EYA2: variants seen among roughly 807,000 people sequenced by gnomAD.
EYA2 encodes the protein protein phosphatase EYA2.
Under a neutral mutation model 69.2 loss-of-function variants are expected in EYA2, and 31 were observed. The ratio of observed to expected loss-of-function variants is 0.45; its 90% CI spans 0.34 to 0.60. The LOEUF is 0.60. Among genes scored for constraint, EYA2 ranks in the 20% least tolerant of loss-of-function variants. The pLI, the probability that EYA2 is intolerant of heterozygous loss-of-function variation, is 0.02. For synonymous variants in EYA2, 257 were observed against 279.4 expected (o/e 0.92, Z 0.80); for missense variants, 622 against 701.2 (o/e 0.89, Z 1.28).
At chr20:47,043,478 G>A (rs1334584272) in intron 5 of EYA2, among the ~76,000 whole-genome samples, 1 of 152,184 alleles carries the variant, frequency 6.6e-6, no homozygotes, top group Non-Finnish European at 1.5e-5. Context: ...GTGGTCATGG[G>A]TGCAGGCCGC....
chr20:47,179,042 A>G (rs933657762), intron 12 of EYA2, among the ~76,000 whole-genome samples: 2 of 152,110 alleles, frequency 1.3e-5, no homozygotes, highest in Non-Finnish European at 2.9e-5. Flanking sequence ...CCCTGCACAT[A>G]AGCACTCAAA....
chr20:47,017,930 T>G (rs1281922561), intron 5 of EYA2, among the ~76,000 whole-genome samples: 1 of 152,218 alleles, frequency 6.6e-6, no homozygotes, highest in East Asian at 1.9e-4. Context: ...CCAGCCTCAC[T>G]GCAAAGCCCA....
chr20:47,184,894 G>A lies in EYA2; in HGVS notation c.1536+1503G>A, dbSNP rs541865244. On this transcript the variant is annotated intron_variant, in intron 15 of 15. Coordinates refer to ENST00000327619, the MANE Select transcript of EYA2 (RefSeq NM_005244.5). ...TCACCCCTGAGCTAGTCAGGCAAGA[G>A]TAGAGTCAGCCAAAGAAGACTAGGT... 2.4e-3 allele frequency among the ~76,000 whole-genome samples: 364 copies of A among 152,270 alleles called. 2 individuals carry two copies. Among genetic ancestry groups the A allele is most frequent in the Non-Finnish European group, 4.2e-3 (283 of 68,016 alleles).
At position 46,934,664 on chromosome 20, in the gene EYA2, C is replaced by T. The variant is rs183371036; in HGVS notation, c.-11+39677C>T. Among the ~76,000 whole-genome samples, 6 of 152,228 alleles carry T rather than the reference C, an allele frequency of 3.9e-5. No homozygotes were observed. In the East Asian group the frequency reaches 1.2e-3, roughly 29 times the overall value. On this transcript the variant is annotated intron_variant, in intron 1 of 15. Coordinates refer to ENST00000327619, the MANE Select transcript of EYA2 (RefSeq NM_005244.5). ...ACAGACAACAGATGTCCACTAGATC[C>T]ACCTAGAAGACCGTTCATTCAAACT...
intron 1 of EYA2, among the ~76,000 whole-genome samples, chr20:46,971,653 C>T (rs1165087615): frequency 6.6e-6 from 1 of 152,214 alleles, no homozygotes; most frequent in Non-Finnish European, 1.5e-5. Flanking sequence ...TGTACTCAAA[C>T]TGTGAATGAT....
chr20:47,027,000 T>A (rs1363665975), intron 5 of EYA2, among the ~76,000 whole-genome samples: 2 of 32,292 alleles, frequency 6.2e-5, no homozygotes, highest in Admixed American at 4.2e-4. Context: ...CTTGCAGTCT[T>A]GCTCCATATT....
chr20:46,921,174 C>T (rs1479261433), intron 1 of EYA2, among the ~76,000 whole-genome samples: 3 of 152,226 alleles, frequency 2.0e-5, no homozygotes, highest in Non-Finnish European at 2.9e-5. Context: ...TGACACAGGG[C>T]TGTGGAGACT....
At chr20:47,065,132 C>T (rs1276074999) in intron 5 of EYA2, among the ~76,000 whole-genome samples, 1 of 152,116 alleles carries the variant, frequency 6.6e-6, no homozygotes, top group East Asian at 1.9e-4. Flanking sequence ...AAAGATCTGC[C>T]CCCATGATTC....
chr20:47,139,235 A>T (rs2033542438), intron 9 of EYA2, among the ~76,000 whole-genome samples: 1 of 152,210 alleles, frequency 6.6e-6, no homozygotes, highest in South Asian at 2.1e-4. Flanking sequence ...TGAAAAGTGG[A>T]ATTACTGAGT....
chr20:46,904,945 G>A (rs1984282588), intron 1 of EYA2, among the ~76,000 whole-genome samples: 2 of 152,168 alleles, frequency 1.3e-5, no homozygotes, highest in Admixed American at 1.3e-4. Flanking sequence ...GCATAAAGTG[G>A]TGGTGGGAGT....
rs183302549 is a variant in EYA2, at chr20:47,165,217, G to A, written c.979-3922G>A. On this transcript the variant is annotated intron_variant, in intron 10 of 15. Transcript: ENST00000327619. The stretch of plus-strand genomic sequence containing the variant: ...TTCTTTCAATGTGGAGGGTATCATC[G>A]TGCTTGACTACTGCAAAAAAGATCA... Among the ~76,000 whole-genome samples the A allele has an allele frequency of 2.0e-3, 299 of 152,270 alleles. 1 individual carries two copies. Among genetic ancestry groups the A allele is most frequent in the African/African-American group, 6.9e-3 (286 of 41,536 alleles).
intron 9 of EYA2, among the ~76,000 whole-genome samples, chr20:47,125,259 A>T (rs1302886600): frequency 2.0e-5 from 3 of 151,610 alleles, no homozygotes; most frequent in African/African-American, 2.4e-5. Context: ...GTTTCACTGT[A>T]TTAGCCAGGA....
intron 5 of EYA2, among the ~76,000 whole-genome samples, chr20:47,034,126 T>C (rs1320654501): frequency 6.6e-6 from 1 of 152,254 alleles, no homozygotes; most frequent in Non-Finnish European, 1.5e-5. Context: ...GAGCAAACCC[T>C]AGGTTTAAGG....
chr20:47,089,135 TG>T, intron 7 of EYA2, 103 bp from the exon 8 acceptor site: 1 of 1,394,614 alleles, frequency 7.2e-7, no homozygotes, highest in Non-Finnish European at 9.8e-7. Flanking sequence ...GGTGCTGCCT[TG>T]GAACCCACTG....
chr20:47,026,917 A>G (rs1984121686), intron 5 of EYA2, among the ~76,000 whole-genome samples: 1 of 152,256 alleles, frequency 6.6e-6, no homozygotes, highest in South Asian at 2.1e-4. Flanking sequence ...CAATATGGAC[A>G]ATTGATATAC....
chr20:46,918,960 A>G (rs960812697), intron 1 of EYA2, among the ~76,000 whole-genome samples: 1 of 152,242 alleles, frequency 6.6e-6, no homozygotes, highest in Admixed American at 6.5e-5. Flanking sequence ...CTCCTTGTAT[A>G]TCTCCATGAG....
intron 9 of EYA2, among the ~76,000 whole-genome samples, chr20:47,107,434 G>A (rs1442769184): frequency 2.0e-5 from 3 of 150,900 alleles, no homozygotes; most frequent in Non-Finnish European, 4.4e-5. Flanking sequence ...CTTGAGGCAT[G>A]AGAGTTACTT....
Position 47,143,227 on chromosome 20 carries a change from T to A in EYA2, c.978+79T>A, listed in dbSNP as rs2146599413. The A allele has an allele frequency of 3.4e-6, 4 of 1,191,852 alleles. No homozygotes were observed. In the East Asian group the frequency reaches 1.0e-4, roughly 31 times the overall value. The allele number at this position is 1,191,852 out of a possible 1,614,324, so 73.8% of individuals were successfully genotyped here. A position where few individuals can be genotyped will look rare whatever the true frequency, so the allele number is the denominator to read the frequency against. ...AGTTTATGGGAAGAAGGATGCTGCC[T>A]TTCCTTTCTTTTTCTTTTTCTTTTT... On this transcript the variant is annotated intron_variant, in intron 10 of 15. Coordinates refer to ENST00000327619, the MANE Select transcript of EYA2 (RefSeq NM_005244.5).
chr20:46,961,869 A>G (rs1450234147), intron 1 of EYA2, among the ~76,000 whole-genome samples: 1 of 152,242 alleles, frequency 6.6e-6, no homozygotes, highest in Non-Finnish European at 1.5e-5. Flanking sequence ...GAGGCTGAGA[A>G]TGGTGCAGGG....
Sources: allele counts gnomAD v4.1 joint callset (sites outside exome capture counted in the v4.1 genomes callset), GRCh38; gene constraint gnomAD v4.1.1; transcripts MANE v1.5; gene names NCBI Gene and HGNC (gene_info 2026-07-23, HGNC 2026-07-21).